Variants in USP7 observed in about 807,000 individuals in gnomAD.
USP7 encodes ubiquitin specific peptidase 7.
In USP7, 9 loss-of-function variants were observed where a neutral mutation model predicts 162.9. That is an observed-to-expected ratio of 0.06 (90% CI 0.03 to 0.10). USP7 has a LOEUF of 0.10. Among genes scored for constraint, USP7 ranks in the 10% least tolerant of loss-of-function variants. The pLI is 1.00. For synonymous variants in USP7, 562 were observed against 475.9 expected (o/e 1.18, Z -2.35); for missense variants, 715 against 1,373.7 (o/e 0.52, Z 7.58).
At chr16:8,948,798 GA>G (rs1007296887) in intron 1 of USP7, among the ~76,000 whole-genome samples, 2 of 151,876 alleles carry the variant, frequency 1.3e-5, no homozygotes, top group African/African-American at 4.8e-5. Flanking sequence ...CCCGTCTCTA[GA>G]AAAAAAATAC....
chr16:8,953,235 A>G (rs1054470055), intron 1 of USP7, among the ~76,000 whole-genome samples: 1 of 152,070 alleles, frequency 6.6e-6, no homozygotes, highest in African/African-American at 2.4e-5. Context: ...CCTATGCCAC[A>G]GCTGCTTTGC....
intron 1 of USP7, among the ~76,000 whole-genome samples, chr16:8,959,571 T>A (rs953162214): frequency 2.6e-5 from 4 of 152,214 alleles, no homozygotes; most frequent in Admixed American, 2.6e-4. Context: ...TCTGAGCTGA[T>A]GTTCATCTTG....
chr16:8,894,869 G>A lies in USP7; in HGVS notation c.3040-14C>T, dbSNP rs145993314. ...AAAATGCTCGCCCTAGAATGGCAAA[G>A]GACATGTGCTCACACAGTCACTCCC... On this transcript the variant is annotated splice_polypyrimidine_tract_variant and intron_variant, in intron 28 of 30. Transcript: ENST00000344836. 7.5e-4 allele frequency: 1,211 copies of A among 1,614,194 alleles called. 11 individuals are homozygous for A. The African/African-American group carries it at 0.014, about 19-fold the overall frequency.
At chr16:8,904,761 T>C (rs1235250139) in intron 14 of USP7, among the ~76,000 whole-genome samples, 196 bp from the exon 15 acceptor site, 1 of 150,606 alleles carries the variant, frequency 6.6e-6, no homozygotes, top group Non-Finnish European at 1.5e-5. Flanking sequence ...GCTAACATGG[T>C]GAAACCCCAT....
chr16:8,926,451 C>G (rs1461046955), intron 2 of USP7, among the ~76,000 whole-genome samples: 4 of 152,110 alleles, frequency 2.6e-5, no homozygotes, highest in African/African-American at 9.7e-5. Context: ...TGCACTCCAG[C>G]CTGGGCAACA....
chr16:8,917,956 A>AT (rs1897466979), intron 6 of USP7, among the ~76,000 whole-genome samples: 1 of 151,580 alleles, frequency 6.6e-6, no homozygotes, highest in Non-Finnish European at 1.5e-5. Flanking sequence ...TGCCCAGATA[A>AT]TTTTTTTGTA....
chr16:8,902,149 T>C lies in USP7; in HGVS notation c.1980A>G (p.Ile660Met). The C allele has an allele frequency of 1.9e-6, 3 of 1,614,222 alleles. No homozygotes were observed. In the South Asian group the frequency reaches 3.3e-5, roughly 18 times the overall value. ...ELSDNENPWT[I>M]FLETVDPELA... ...GCTCGGGATCAACTGTTTCCAGGAA[T>C]ATTGTCCAAGGGTTTTCATTATCAC... The change falls in exon 18 of 31, where the codon ATA becomes ATG. Residue 660 changes from isoleucine (I) to methionine (M), a missense_variant. Ile to Met is a conservative substitution (Grantham distance 10). This residue lies in a region of USP7 where 197 missense variants were observed against 306.5 expected (regional missense o/e 0.64). Transcript: ENST00000344836.
chr16:8,912,861 T>A (rs938271732), intron 10 of USP7, among the ~76,000 whole-genome samples: 1 of 151,400 alleles, frequency 6.6e-6, no homozygotes, highest in African/African-American at 2.4e-5. Flanking sequence ...AAAAAAAATT[T>A]AAAAAGTTTG....
intron 4 of USP7, 57 bp downstream of exon 4, chr16:8,921,100 A>T (rs537284847): frequency 3.2e-6 from 5 of 1,546,378 alleles, no homozygotes; most frequent in Non-Finnish European, 4.4e-6. Flanking sequence ...TCAAAAAGTT[A>T]AGGGAACAAC....
Position 8,949,875 on chromosome 16 carries a change from C to T in USP7, c.79+13332G>A, listed in dbSNP as rs543548985. On this transcript the variant is annotated intron_variant, in intron 1 of 30. Coordinates refer to ENST00000344836, the MANE Select transcript of USP7 (RefSeq NM_003470.3). The stretch of plus-strand genomic sequence containing the variant: ...GGAAGCTCCTTCTAAGAAGTTATTA[C>T]ATGAAAATGCTTGGCTTTCCATATT... 2.6e-4 allele frequency among the ~76,000 whole-genome samples: 39 copies of T among 152,332 alleles called. No individual in the cohort carries two copies. In the South Asian group the frequency reaches 3.9e-3, roughly 15 times the overall value.
intron 1 of USP7, among the ~76,000 whole-genome samples, chr16:8,942,632 T>A (rs922010838): frequency 6.6e-6 from 1 of 152,190 alleles, no homozygotes; most frequent in Non-Finnish European, 1.5e-5. Flanking sequence ...ACTGCAGCCA[T>A]GACCTCCCAG....
At chr16:8,918,841 A>C (rs1897521613) in intron 6 of USP7, among the ~76,000 whole-genome samples, 190 bp downstream of exon 6, 1 of 152,142 alleles carries the variant, frequency 6.6e-6, no homozygotes, top group Non-Finnish European at 1.5e-5. Flanking sequence ...GGTAACTCTG[A>C]ATCACTGAGG....
At chr16:8,914,394 C>A (rs553701392) in intron 10 of USP7, among the ~76,000 whole-genome samples, 1 of 150,358 alleles carries the variant, frequency 6.7e-6, no homozygotes, top group East Asian at 1.9e-4. Context: ...CATACGCACA[C>A]CCTACAGGCC....
chr16:8,926,901 A>G (rs1329757171), intron 2 of USP7, among the ~76,000 whole-genome samples: 3 of 152,036 alleles, frequency 2.0e-5, no homozygotes, highest in Admixed American at 6.5e-5. Flanking sequence ...GCCCCTGGAG[A>G]CTCTTGTACC....
In USP7 at chr16:8,923,326, A is replaced by G; in HGVS notation, c.272T>C (p.Phe91Ser). ...AATCTTCCATGGCAGATTTCGCACA[A>G]AACACGGAGGGCTAAGGACCGACTC... ...LSESVLSPPC[F>S]VRNLPWKIMV... The change falls in exon 3 of 31, where the codon TTT becomes TCT. Residue 91 changes from phenylalanine to serine, a missense_variant. By Grantham distance (155) the Phe-to-Ser change is radical. Coordinates refer to ENST00000344836, the MANE Select transcript of USP7 (RefSeq NM_003470.3). 1 of 1,611,996 alleles carries G rather than the reference A, an allele frequency of 6.2e-7. No homozygotes were observed. The highest frequency in any genetic ancestry group is 8.5e-7 in the Non-Finnish European group (1 of 1,179,404).
In USP7 at chr16:8,899,632, G is replaced by A. The variant is rs1433627689; in HGVS notation, c.2435C>T (p.Thr812Met). The A allele has an allele frequency of 3.1e-6, 5 of 1,614,074 alleles. No individual in the cohort carries two copies. Among genetic ancestry groups the A allele is most frequent in the South Asian group, 1.1e-5 (1 of 91,094 alleles). Reference protein sequence around the residue: ...TIPNDPGFVVTLSNRMNYFQV... With the variant: ...TIPNDPGFVVMLSNRMNYFQV... ...AAAATAATTCATTCTATTTGATAAC[G>A]TAACCACAAATCCAGGATCATTAGG... is the stretch of plus-strand genomic sequence containing the variant. The change falls in exon 22 of 31, where the codon ACG (threonine) becomes ATG (methionine). Residue 812 changes from threonine (T) to methionine (M), a missense_variant. Physicochemically the swap from Thr to Met is moderately conservative, Grantham distance 81. Around this residue, in one of 11 missense-constraint regions of USP7, gnomAD observed 222 missense variants for 441.7 expected, o/e 0.50. Transcript: ENST00000344836.
At chr16:8,930,547 T>A in intron 1 of USP7, 150 bp from the exon 2 acceptor site, 1 of 590,500 alleles carries the variant, frequency 1.7e-6, no homozygotes, top group Non-Finnish European at 2.8e-6. Context: ...AAAAAATATT[T>A]ATACTAATGT....
At position 8,899,891 on chromosome 16, in the gene USP7, G is replaced by A. The variant is rs566249505; in HGVS notation, c.2310-134C>T. 3.9e-4 allele frequency: 429 copies of A among 1,099,824 alleles called. 5 individuals are homozygous for A. In the South Asian group the frequency reaches 5.5e-3, roughly 14 times the overall value. The allele number at this position is 1,099,824 out of a possible 1,614,324, so 68.1% of individuals were successfully genotyped here. A position where few individuals can be genotyped will look rare whatever the true frequency, so the allele number is the denominator to read the frequency against. ...AAGATAAATTCAGGTTCCCCTTTGA[G>A]GGGGCCAGGCATCTGCCTGAGCTCC... On this transcript the variant is annotated intron_variant, in intron 21 of 30. Transcript: ENST00000344836.
chr16:8,958,734 T>A (rs1366400516), intron 1 of USP7, among the ~76,000 whole-genome samples: 2 of 152,168 alleles, frequency 1.3e-5, no homozygotes. Context: ...CACGCAAGAA[T>A]CATCAGAAGG....
Sources: gnomAD v4.1 joint callset for allele counts (sites outside exome capture counted in the v4.1 genomes callset) on GRCh38, gnomAD v4.1.1 for gene constraint, gnomAD v4.1.1 regional missense constraint, MANE v1.5 for transcripts, NCBI Gene and HGNC (gene_info 2026-07-23, HGNC 2026-07-21) for gene names.